SKP1: variants seen among roughly 807,000 people sequenced by gnomAD.
SKP1 encodes the protein S-phase kinase-associated protein 1.
SKP1 carries 1 observed loss-of-function variant against 21.5 expected under a neutral mutation model. That is an observed-to-expected ratio of 0.05 (90% CI 0.02 to 0.22). SKP1 has a LOEUF of 0.22. Among genes scored for constraint, SKP1 ranks in the 10% least tolerant of loss-of-function variants. The pLI, the probability that SKP1 is intolerant of heterozygous loss-of-function variation, is 1.00. For missense variants in SKP1, 70 were observed against 192.0 expected (o/e 0.36, Z 3.76); for synonymous variants, 59 against 59.3 (o/e 0.99, Z 0.03).
chr5:134,162,033 A>G (rs1243612197), intron 3 of SKP1: 1 of 152,144 alleles, frequency 6.6e-6, no homozygotes, highest in Non-Finnish European at 1.5e-5. Context: ...AGAAAATGGC[A>G]GAGCCAAGAA....
intron 4 of SKP1, 108 bp downstream of exon 4, chr5:134,160,879 G>T: frequency 2.8e-6 from 2 of 713,896 alleles, no homozygotes; most frequent in Non-Finnish European, 4.6e-6. Flanking sequence ...CGTTACATTT[G>T]AATTTAGAGA....
rs573013541 is a variant in SKP1, at chr5:134,169,721, G to T, written c.98-2478C>A. On this transcript the variant is annotated intron_variant, in intron 2 of 5. Transcript: ENST00000353411. The stretch of plus-strand genomic sequence containing the variant: ...TTCTACTAAAAATACAAAAAAATTG[G>T]CCAGGCATGGCGGCTCACGCCTGTA... 4.6e-5 allele frequency among the ~76,000 whole-genome samples: 7 copies of T among 152,248 alleles called. No individual in the cohort carries two copies. In the South Asian group the frequency reaches 1.5e-3, roughly 32 times the overall value.
At chr5:134,160,467 T>C (rs1761199866) in intron 4 of SKP1, among the ~76,000 whole-genome samples, 1 of 152,098 alleles carries the variant, frequency 6.6e-6, no homozygotes, top group Non-Finnish European at 1.5e-5. Flanking sequence ...TTGAGAGAGG[T>C]GCTGAAATCT....
rs764216286 is a variant in SKP1, at chr5:134,167,771, G to A, written c.98-528C>T. 8.5e-5 allele frequency among the ~76,000 whole-genome samples: 13 copies of A among 152,264 alleles called. No individual in the cohort carries two copies. In the Middle Eastern group the frequency reaches 0.014, roughly 159 times the overall value. On this transcript the variant is annotated intron_variant, in intron 2 of 5. Transcript: ENST00000353411. The stretch of plus-strand genomic sequence containing the variant: ...GATCTCCTGACCTCGTGATCTACCC[G>A]CTTCAGCCTCCCAAAGTGCTGGGAT...
rs1580921508 is a variant in SKP1 at position 134,151,374 on chromosome 5, T to G, written c.*6359A>C. 1 of 170,512 alleles carries G rather than the reference T, an allele frequency of 5.9e-6. No homozygotes were observed. The highest frequency in any genetic ancestry group is 1.3e-5 in the Non-Finnish European group (1 of 77,988). 10.6% of individuals were successfully genotyped at this position (170,512 alleles called of 1,614,324 possible). A position where few individuals can be genotyped will look rare whatever the true frequency, so the allele number is the denominator to read the frequency against. On this transcript the variant is annotated 3_prime_UTR_variant, in exon 6 of 6. Transcript: ENST00000353411. ...GAAACCCTGCTTGAGTACTTGAGGA[T>G]AGAGTACAGCTTCTCTATTTTCCCA...
chr5:134,160,949 G>C (rs1242403754), intron 4 of SKP1, 38 bp downstream of exon 4: 3 of 1,476,644 alleles, frequency 2.0e-6, no homozygotes, highest in South Asian at 1.2e-5. Flanking sequence ...GTGTTTAAAG[G>C]CTCTAGAGTA....
intron 1 of SKP1, among the ~76,000 whole-genome samples, chr5:134,175,940 A>C (rs954731763): frequency 6.6e-6 from 1 of 152,178 alleles, no homozygotes; most frequent in African/African-American, 2.4e-5. Context: ...ATAGAAAAAA[A>C]AACCCCTGCG....
chr5:134,172,700 T>G (rs902409608), intron 2 of SKP1, among the ~76,000 whole-genome samples: 1 of 151,664 alleles, frequency 6.6e-6, no homozygotes, highest in Non-Finnish European at 1.5e-5. Flanking sequence ...CAGGGTAACA[T>G]AGGGAGATCC....
At position 134,156,054 on chromosome 5, in the gene SKP1, C is replaced by T. The variant is rs1761115493; in HGVS notation, c.*1679G>A. 6.6e-6 allele frequency: 1 copy of T among 151,772 alleles called. No homozygotes were observed. Among genetic ancestry groups the T allele is most frequent in the Non-Finnish European group, 1.5e-5 (1 of 67,964 alleles). The allele number at this position is 151,772 out of a possible 1,614,324, so 9.4% of individuals were successfully genotyped here. On this transcript the variant is annotated 3_prime_UTR_variant, in exon 6 of 6. Coordinates refer to ENST00000353411, the MANE Select transcript of SKP1 (RefSeq NM_170679.3). ...CAAACGATCCTCCTGTCTTGTCCTC[C>T]CAAAATGTTGAGATTACAGGCATAA...
chr5:134,158,776 T>A lies in SKP1; in HGVS notation c.316-181A>T. The stretch of plus-strand genomic sequence containing the variant: ...GACTTTTATGTGACCTTCTTTGTTA[T>A]ACCTCTATAATGTTGAATCCTTCTG... On this transcript the variant is annotated intron_variant, in intron 4 of 5. Coordinates refer to ENST00000353411, the MANE Select transcript of SKP1 (RefSeq NM_170679.3). 4.8e-6 allele frequency: 3 copies of A among 630,158 alleles called. No homozygotes were observed. The South Asian group carries it at 5.8e-5, about 12-fold the overall frequency. 39.0% of individuals were successfully genotyped at this position (630,158 alleles called of 1,614,324 possible). A position where few individuals can be genotyped will look rare whatever the true frequency, so the allele number is the denominator to read the frequency against.
At chr5:134,170,840 T>C (rs1267571762) in intron 2 of SKP1, 7 of 370,242 alleles carry the variant, frequency 1.9e-5, no homozygotes, top group African/African-American at 1.1e-4. Context: ...CAGGACAGAT[T>C]AGTGTGTCAG....
chr5:134,167,493 C>G (rs978568011), intron 2 of SKP1, among the ~76,000 whole-genome samples: 1 of 151,880 alleles, frequency 6.6e-6, no homozygotes, highest in African/African-American at 2.4e-5. Context: ...ATAGCATTTA[C>G]ATTGTATCCG....
intron 5 of SKP1, 92 bp downstream of exon 5, chr5:134,158,363 A>T: frequency 6.2e-7 from 1 of 1,607,152 alleles, no homozygotes. Context: ...TATCAAGACT[A>T]CTTGATACAG....
chr5:134,160,566 A>G (rs1470090309), intron 4 of SKP1, among the ~76,000 whole-genome samples: 3 of 152,110 alleles, frequency 2.0e-5, no homozygotes, highest in Admixed American at 6.5e-5. Context: ...ATAAAAATTT[A>G]TAATTGTTAT....
In SKP1 at chr5:134,152,001, A is replaced by G. The variant is rs549209107; in HGVS notation, c.*5732T>C. 19 of 207,498 alleles carry G rather than the reference A, an allele frequency of 9.2e-5. No individual in the cohort carries two copies. The highest frequency in any genetic ancestry group is 1.4e-4 in the Non-Finnish European group (14 of 98,208). 12.9% of individuals were successfully genotyped at this position (207,498 alleles called of 1,614,324 possible). ...AAATGGCTCAATCTTGGGCCAAAGG[A>G]CATGCTCTGAAATATTTCTTACACC... On this transcript the variant is annotated 3_prime_UTR_variant, in exon 6 of 6. Transcript: ENST00000353411.
At chr5:134,173,887 T>C in intron 2 of SKP1, 39 bp downstream of exon 2, 4 of 1,080,756 alleles carry the variant, frequency 3.7e-6, no homozygotes, top group Non-Finnish European at 5.8e-6. Flanking sequence ...TATCTCAAAT[T>C]ACACATTTCC....
chr5:134,174,934 G>T (rs2300066), intron 1 of SKP1: 106,940 of 151,926 alleles, frequency 0.7, 39,945 homozygotes, highest in Non-Finnish European at 0.86. Context: ...AGCAATACCT[G>T]GTACAGATTA....
intron 4 of SKP1, among the ~76,000 whole-genome samples, chr5:134,160,063 A>G (rs1424322956): frequency 6.6e-6 from 1 of 151,858 alleles, no homozygotes; most frequent in Non-Finnish European, 1.5e-5. Context: ...ATCATTACAT[A>G]TAATGTTTTA....
At chr5:134,174,384 T>G in intron 1 of SKP1, 1 of 475,462 alleles carries the variant, frequency 2.1e-6, no homozygotes, top group Non-Finnish European at 2.8e-6. Context: ...ATTAACTACA[T>G]GCGAACCTGA....
Sources: allele counts gnomAD v4.1 joint callset (sites outside exome capture counted in the v4.1 genomes callset), GRCh38; gene constraint gnomAD v4.1.1; transcripts MANE v1.5; gene names NCBI Gene and HGNC (gene_info 2026-07-23, HGNC 2026-07-21).